The following SSBP3 variants were observed in gnomAD, a reference collection of about 807,000 sequenced individuals.
The protein encoded by SSBP3 is single stranded DNA binding protein 3, also known as single-stranded DNA-binding protein 3.
A neutral mutation model predicts 69.6 loss-of-function variants in SSBP3; 5 were observed. The observed-to-expected ratio is 0.07, with a 90% CI of 0.04 to 0.15. SSBP3 has a LOEUF of 0.15. Among genes scored for constraint, SSBP3 ranks in the 10% least tolerant of loss-of-function variants. The probability of loss-of-function intolerance (pLI) is 1.00; values close to 1 mark genes in which losing one functional copy is unlikely to be tolerated. For synonymous variants in SSBP3, 196 were observed against 193.4 expected (o/e 1.01, Z -0.11); for missense variants, 312 against 534.0 (o/e 0.58, Z 4.10).
chr1:54,385,637 C>A (rs1648026210), intron 4 of SSBP3, among the ~76,000 whole-genome samples: 1 of 152,222 alleles, frequency 6.6e-6, no homozygotes, highest in Non-Finnish European at 1.5e-5. Flanking sequence ...CTTATTCGTG[C>A]TTCTAAACGT....
exon 1 of SSBP3, chr1:54,406,287 A>G (rs1182458353): frequency 1.4e-5 from 4 of 276,488 alleles, no homozygotes; most frequent in Non-Finnish European, 2.6e-5. Context: ...CGCCGCCCGC[A>G]CGGCCGCCCG....
At chr1:54,366,819 G>T (rs896521722) in intron 4 of SSBP3, among the ~76,000 whole-genome samples, 4 of 152,162 alleles carry the variant, frequency 2.6e-5, no homozygotes, top group Non-Finnish European at 2.9e-5. Flanking sequence ...CATTCTGATT[G>T]AATTCTAATA....
intron 3 of SSBP3, among the ~76,000 whole-genome samples, chr1:54,403,928 CAG>C (rs1424886234): frequency 6.6e-6 from 1 of 150,466 alleles, no homozygotes; most frequent in African/African-American, 2.5e-5. Flanking sequence ...TAGAGAGTCA[CAG>C]AGAGTGGGAG....
intron 4 of SSBP3, among the ~76,000 whole-genome samples, chr1:54,372,419 G>C (rs529285273): frequency 6.6e-6 from 1 of 152,172 alleles, no homozygotes; most frequent in African/African-American, 2.4e-5. Flanking sequence ...AGGCCCAGCA[G>C]CAACACCCCC....
chr1:54,355,155 G>A (rs1363721973), intron 4 of SSBP3, among the ~76,000 whole-genome samples: 3 of 152,208 alleles, frequency 2.0e-5, no homozygotes, highest in Admixed American at 1.3e-4. Context: ...CACATGCGGC[G>A]TCCAACAAAC....
chr1:54,410,667 G>A (rs573877821), upstream of SSBP3, among the ~76,000 whole-genome samples: 1 of 152,322 alleles, frequency 6.6e-6, no homozygotes, highest in Non-Finnish European at 1.5e-5. Context: ...AATCCAACAC[G>A]CAAAGACCTG....
intron 5 of SSBP3, among the ~76,000 whole-genome samples, chr1:54,279,139 CAG>C (rs1645344995): frequency 6.6e-6 from 1 of 152,154 alleles, no homozygotes; most frequent in Non-Finnish European, 1.5e-5. Context: ...ACCCAGGAAG[CAG>C]AGAGGCCAAG....
At chr1:54,285,302 T>C (rs1368616772) in intron 4 of SSBP3, 1 of 152,002 alleles carries the variant, frequency 6.6e-6, no homozygotes, top group African/African-American at 2.4e-5. Flanking sequence ...GGCTCAGAAA[T>C]AACTTGCTCA....
chr1:54,237,220 CTACTG>C (rs891303537), intron 14 of SSBP3: 1 of 152,180 alleles, frequency 6.6e-6, no homozygotes, highest in African/African-American at 2.4e-5. Context: ...AGGGTCAGCA[CTACTG>C]TAAAGGGGCA....
At chr1:54,307,802 C>G (rs530168484) in intron 4 of SSBP3, among the ~76,000 whole-genome samples, 2 of 147,356 alleles carry the variant, frequency 1.4e-5, no homozygotes, top group Non-Finnish European at 3.0e-5. Flanking sequence ...ATGGCAACGT[C>G]AGCAAGTTAC....
chr1:54,352,641 T>C (rs914664431), intron 4 of SSBP3, among the ~76,000 whole-genome samples: 7 of 152,190 alleles, frequency 4.6e-5, no homozygotes, highest in African/African-American at 1.7e-4. Flanking sequence ...AGCCTCACCT[T>C]GCAGGATGTG....
chr1:54,349,341 T>C (rs1010768954), intron 4 of SSBP3, among the ~76,000 whole-genome samples: 2 of 152,190 alleles, frequency 1.3e-5, no homozygotes, highest in Admixed American at 6.5e-5. Context: ...TGGCACACAG[T>C]AGGCACCCAA....
intron 10 of SSBP3, 31 bp from the exon 11 acceptor site, chr1:54,242,243 GA>G: frequency 6.2e-7 from 1 of 1,613,152 alleles, no homozygotes; most frequent in South Asian, 1.1e-5. Context: ...TGTGGACAAT[GA>G]AAAAGGCGCT....
intron 17 of SSBP3, 145 bp downstream of exon 17, chr1:54,228,110 C>G (rs1644317703): frequency 1.3e-5 from 10 of 794,240 alleles, no homozygotes; most frequent in Non-Finnish European, 1.9e-5. Flanking sequence ...CACACTTCTG[C>G]TAAAAAAATA....
In SSBP3 at chr1:54,258,219, G is replaced by C; in HGVS notation, c.367-70C>G. The C allele has an allele frequency of 6.8e-6, 6 of 880,122 alleles. No individual in the cohort carries two copies. The highest frequency in any genetic ancestry group is 8.6e-5 in the East Asian group (1 of 11,616). The allele number at this position is 880,122 out of a possible 1,614,324, so 54.5% of individuals were successfully genotyped here. A position where few individuals can be genotyped will look rare whatever the true frequency, so the allele number is the denominator to read the frequency against. ...GGAGAAGCGCAGAAGCAGCTTAAAA[G>C]AACAAAAATTAAACCAAAACGAAGG... is the stretch of plus-strand genomic sequence containing the variant. On this transcript the variant is annotated intron_variant, in intron 5 of 17. Coordinates refer to ENST00000610401, the Ensembl canonical transcript of SSBP3. The surrounding 1 kb of genome is among the most constrained non-coding windows in gnomAD (Gnocchi z 4.5).
chr1:54,392,689 T>C (rs1431541625), intron 4 of SSBP3, among the ~76,000 whole-genome samples: 1 of 152,194 alleles, frequency 6.6e-6, no homozygotes, highest in Non-Finnish European at 1.5e-5. Flanking sequence ...TCCTTCTCAC[T>C]TCTCAAGGCT....
chr1:54,298,243 C>T (rs903661452), intron 4 of SSBP3, among the ~76,000 whole-genome samples: 1 of 152,152 alleles, frequency 6.6e-6, no homozygotes, highest in Non-Finnish European at 1.5e-5. Context: ...CCACTGTAAG[C>T]TGATTAGGTC....
chr1:54,310,489 G>C (rs541031775), intron 4 of SSBP3, among the ~76,000 whole-genome samples: 1 of 152,224 alleles, frequency 6.6e-6, no homozygotes, highest in Admixed American at 6.5e-5. Flanking sequence ...TTTTAAGAAG[G>C]GTTTTTAATT....
intron 4 of SSBP3, among the ~76,000 whole-genome samples, chr1:54,396,468 C>T (rs904884337): frequency 6.6e-6 from 1 of 152,136 alleles, no homozygotes; most frequent in Non-Finnish European, 1.5e-5. Context: ...AGTACACACA[C>T]CTCCCTGCCA....
Sources: allele counts gnomAD v4.1 joint callset (sites outside exome capture counted in the v4.1 genomes callset), GRCh38; gene constraint gnomAD v4.1.1; non-coding constraint Gnocchi (gnomAD v3.1); transcripts MANE v1.5; gene names NCBI Gene and HGNC (gene_info 2026-07-23, HGNC 2026-07-21).